The following CMSS1 variants were observed in gnomAD, a reference collection of about 807,000 sequenced individuals.
CMSS1 encodes the protein cms1 ribosomal small subunit homolog, also known as protein CMSS1.
CMSS1 carries 33 observed loss-of-function variants against 43.5 expected under a neutral mutation model. That is an observed-to-expected ratio of 0.76 (90% CI 0.57 to 1.01). CMSS1 has a LOEUF of 1.01. Among genes scored for constraint, CMSS1 ranks in the 50% least tolerant of loss-of-function variants. The pLI, the probability that CMSS1 is intolerant of heterozygous loss-of-function variation, is 0.00. For synonymous variants in CMSS1, 115 were observed against 117.2 expected (o/e 0.98, Z 0.12); for missense variants, 313 against 326.4 (o/e 0.96, Z 0.32).
At chr3:99,887,240 C>T (rs965359644) in intron 1 of CMSS1, among the ~76,000 whole-genome samples, 1 of 151,592 alleles carries the variant, frequency 6.6e-6, no homozygotes, top group African/African-American at 2.4e-5. Flanking sequence ...GCACTCCAGT[C>T]TGGGCAACAA....
At chr3:99,917,669 G>A (rs545244636) in intron 1 of CMSS1, among the ~76,000 whole-genome samples, 1 of 152,218 alleles carries the variant, frequency 6.6e-6, no homozygotes, top group South Asian at 2.1e-4. Context: ...TGTATTAACA[G>A]GAATAAAAAA....
chr3:99,931,835 A>G (rs1004002240), intron 1 of CMSS1, among the ~76,000 whole-genome samples: 5 of 152,244 alleles, frequency 3.3e-5, no homozygotes, highest in African/African-American at 1.2e-4. Flanking sequence ...AATTTATAAT[A>G]GGAAGAAAAA....
intron 2 of CMSS1, among the ~76,000 whole-genome samples, chr3:100,152,217 T>C (rs75576670): frequency 2.0e-5 from 3 of 152,082 alleles, no homozygotes; most frequent in South Asian, 2.1e-4. Context: ...TTTTTTTTTT[T>C]CTATTAAAAG....
chr3:99,996,552 T>C (rs972749845), intron 1 of CMSS1, among the ~76,000 whole-genome samples: 2 of 152,172 alleles, frequency 1.3e-5, no homozygotes, highest in African/African-American at 2.4e-5. Flanking sequence ...TTGACTGTAT[T>C]AGTCAGTTTT....
At chr3:100,145,834 T>C (rs1464444459) in intron 1 of CMSS1, among the ~76,000 whole-genome samples, 1 of 152,260 alleles carries the variant, frequency 6.6e-6, no homozygotes, top group Non-Finnish European at 1.5e-5. Flanking sequence ...TAATCTGTTC[T>C]ATTCAGTCTA....
intron 1 of CMSS1, among the ~76,000 whole-genome samples, chr3:100,111,824 A>AT (rs1423401565): frequency 2.0e-5 from 3 of 152,196 alleles, no homozygotes; most frequent in Non-Finnish European, 4.4e-5. Flanking sequence ...AGGCTCAAGT[A>AT]TTTGCACTAA....
At chr3:100,025,874 A>G (rs1210408614) in intron 1 of CMSS1, among the ~76,000 whole-genome samples, 2 of 152,190 alleles carry the variant, frequency 1.3e-5, no homozygotes, top group Non-Finnish European at 2.9e-5. Flanking sequence ...CTTGGTGGTG[A>G]TAACACAGGC....
intron 2 of CMSS1, among the ~76,000 whole-genome samples, chr3:100,159,152 C>T (rs141326778): frequency 6.6e-6 from 1 of 152,336 alleles, no homozygotes; most frequent in East Asian, 1.9e-4. Flanking sequence ...ATCCACAAGA[C>T]AGTTTAACTT....
intron 1 of CMSS1, among the ~76,000 whole-genome samples, chr3:99,881,222 T>C (rs556411267): frequency 6.6e-6 from 1 of 152,318 alleles, no homozygotes; most frequent in Admixed American, 6.5e-5. Flanking sequence ...GAAGAATTGG[T>C]AATGTGACGC....
At chr3:99,943,011 G>T (rs940507306) in intron 1 of CMSS1, among the ~76,000 whole-genome samples, 1 of 152,144 alleles carries the variant, frequency 6.6e-6, no homozygotes, top group Admixed American at 6.5e-5. Flanking sequence ...GCAAAGAGCT[G>T]CTGTGACCTC....
intron 1 of CMSS1, among the ~76,000 whole-genome samples, chr3:99,984,252 T>G (rs1709265478): frequency 6.6e-6 from 1 of 152,206 alleles, no homozygotes. Flanking sequence ...TAGCCATTCA[T>G]GTATTTATTA....
chr3:99,878,289 G>T (rs1576542127), intron 1 of CMSS1, among the ~76,000 whole-genome samples: 3 of 152,302 alleles, frequency 2.0e-5, no homozygotes, highest in East Asian at 3.9e-4. Flanking sequence ...CATACTTAGT[G>T]CTCTACAAGC....
At chr3:99,982,582 A>G (rs1709160076) in intron 1 of CMSS1, among the ~76,000 whole-genome samples, 1 of 152,046 alleles carries the variant, frequency 6.6e-6, no homozygotes, top group South Asian at 2.1e-4. Context: ...GGGCTCAAGC[A>G]TTCTGCCTAC....
intron 1 of CMSS1, among the ~76,000 whole-genome samples, chr3:99,982,256 C>T (rs1273168118): frequency 1.3e-5 from 2 of 151,768 alleles, no homozygotes; most frequent in Non-Finnish European, 2.9e-5. Context: ...GCCTGTCATG[C>T]TTATACATTT....
At chr3:100,157,112 C>A (rs1480603772) in intron 2 of CMSS1, among the ~76,000 whole-genome samples, 1 of 152,136 alleles carries the variant, frequency 6.6e-6, no homozygotes, top group Non-Finnish European at 1.5e-5. Context: ...AAAATTGAAT[C>A]TCTTGGGCTG....
chr3:100,128,696 A>G (rs538716826), intron 1 of CMSS1, among the ~76,000 whole-genome samples: 1 of 152,120 alleles, frequency 6.6e-6, no homozygotes, highest in Admixed American at 6.5e-5. Context: ...AGCTGATCTG[A>G]CTTCTATCGG....
At chr3:100,043,213 T>C (rs1294346515) in intron 1 of CMSS1, among the ~76,000 whole-genome samples, 1 of 152,250 alleles carries the variant, frequency 6.6e-6, no homozygotes, top group African/African-American at 2.4e-5. Context: ...CATTCTTTAC[T>C]GTGTTGTGCC....
intron 1 of CMSS1, among the ~76,000 whole-genome samples, chr3:100,010,823 TTCAGCA>T (rs1268911631): frequency 7.2e-6 from 1 of 138,400 alleles, no homozygotes; most frequent in Non-Finnish European, 1.6e-5. Context: ...AGGTGGGGGT[TTCAGCA>T]TGTTGGTCAG....
chr3:99,829,750 C>T (rs1281933295), intron 1 of CMSS1, among the ~76,000 whole-genome samples: 1 of 152,060 alleles, frequency 6.6e-6, no homozygotes, highest in African/African-American at 2.4e-5. Flanking sequence ...TTCATGTCTC[C>T]CTAAAATATC....
Sources: allele counts gnomAD v4.1 joint callset (sites outside exome capture counted in the v4.1 genomes callset), GRCh38; gene constraint gnomAD v4.1.1; transcripts MANE v1.5; gene names NCBI Gene and HGNC (gene_info 2026-07-23, HGNC 2026-07-21).